The following RBMS1 variants were observed in gnomAD, a reference collection of about 807,000 sequenced individuals.
RBMS1 encodes the protein RNA binding motif single stranded interacting protein 1.
A neutral mutation model predicts 62.3 loss-of-function variants in RBMS1; 17 were observed. The observed-to-expected ratio is 0.27, with a 90% CI of 0.19 to 0.41. RBMS1 has a LOEUF of 0.41. Ranked by LOEUF, RBMS1 falls within the 10% of genes least tolerant of loss-of-function variation. The pLI is 1.00. For missense variants in RBMS1, 334 were observed against 504.5 expected, an observed-to-expected ratio of 0.66 and a Z score of 3.24; for synonymous variants, 172 against 170.0, an observed-to-expected ratio of 1.01 and a Z score of -0.09.
intron 2 of RBMS1, among the ~76,000 whole-genome samples, chr2:160,350,350 A>T (rs1053784955): frequency 4.6e-5 from 7 of 152,104 alleles, no homozygotes; most frequent in Non-Finnish European, 8.8e-5. Context: ...TGCCCTGGAC[A>T]TTTGTCAGTG....
rs552700730 is a variant in RBMS1 at position 160,489,919 on chromosome 2, T to C, written c.75+3370A>G. On this transcript the variant is annotated intron_variant, in intron 1 of 13. Coordinates refer to ENST00000348849, the MANE Select transcript of RBMS1 (RefSeq NM_016836.4). ...GGAAAGAAAATTTTGTACTTCCCTTTCTTCAAAAGAAACAGAATATTTCAA... is the reference window on the plus strand; with the variant it reads ...GGAAAGAAAATTTTGTACTTCCCTTCCTTCAAAAGAAACAGAATATTTCAA... Among the ~76,000 whole-genome samples the C allele has an allele frequency of 2.6e-5, 4 of 152,222 alleles. No individual in the cohort carries two copies. In the South Asian group the frequency reaches 6.2e-4, roughly 24 times the overall value.
At chr2:160,367,641 ATTAAT>A in intron 1 of RBMS1, 1 of 450,510 alleles carries the variant, frequency 2.2e-6, no homozygotes. Flanking sequence ...TTTATGTAAC[ATTAAT>A]TTATTCACAC....
intron 1 of RBMS1, among the ~76,000 whole-genome samples, chr2:160,396,406 C>T (rs1297648092): frequency 6.6e-6 from 1 of 152,022 alleles, no homozygotes; most frequent in Non-Finnish European, 1.5e-5. Flanking sequence ...CCAGACAGAC[C>T]CATATGTACT....
At chr2:160,286,786 A>G (rs1466341004) in intron 7 of RBMS1, among the ~76,000 whole-genome samples, 183 bp downstream of exon 7, 2 of 152,210 alleles carry the variant, frequency 1.3e-5, no homozygotes, top group East Asian at 3.8e-4. Context: ...ATCACCATAT[A>G]TAATGAAAAG....
At chr2:160,409,663 C>T (rs1208646715) in intron 1 of RBMS1, among the ~76,000 whole-genome samples, 2 of 152,164 alleles carry the variant, frequency 1.3e-5, no homozygotes, top group Non-Finnish European at 2.9e-5. Context: ...AAAAAATTCC[C>T]TGTACAACCT....
At chr2:160,383,684 C>T (rs181204294) in intron 1 of RBMS1, among the ~76,000 whole-genome samples, 2 of 152,224 alleles carry the variant, frequency 1.3e-5, no homozygotes, top group Admixed American at 6.5e-5. Context: ...TGAAACTATA[C>T]ATTATTGTTA....
rs112202164 is a variant in RBMS1 at position 160,371,345 on chromosome 2, A to G, written c.76-3954T>C. 5.0e-3 allele frequency among the ~76,000 whole-genome samples: 769 copies of G among 152,278 alleles called. 5 individuals carry two copies. The highest frequency in any genetic ancestry group is 0.017 in the South Asian group (81 of 4,814). ...CCCGGAAGCTGCCTTGGAACGTGAA[A>G]AGACCCTCTATGGATGAAGCTTGCA... On this transcript the variant is annotated intron_variant, in intron 1 of 13. Transcript: ENST00000348849.
chr2:160,477,843 G>A (rs538646258), intron 1 of RBMS1, among the ~76,000 whole-genome samples: 1 of 152,266 alleles, frequency 6.6e-6, no homozygotes, highest in South Asian at 2.1e-4. Context: ...CTTTTAAGGT[G>A]TTCATCATGC....
At chr2:160,450,148 C>CTGTAT (rs1683903067) in intron 1 of RBMS1, among the ~76,000 whole-genome samples, 1 of 152,190 alleles carries the variant, frequency 6.6e-6, no homozygotes, top group African/African-American at 2.4e-5. Context: ...GTATACCAGG[C>CTGTAT]ACAGAGGAAA....
intron 2 of RBMS1, among the ~76,000 whole-genome samples, chr2:160,319,254 G>A (rs1161864551): frequency 6.6e-6 from 1 of 152,194 alleles, no homozygotes; most frequent in African/African-American, 2.4e-5. Flanking sequence ...GCTCACACCT[G>A]TAATCCCAGC....
At position 160,311,228 on chromosome 2, in the gene RBMS1, C is replaced by CTATATATA. The variant is rs1252861710; in HGVS notation, c.402+1927_402+1928insTATATATA. ...AAAAAAAATCTATCTATCTATCTATCTATCTATATATATATATATATATAT... is the reference window on the plus strand; with the variant it reads ...AAAAAAAATCTATCTATCTATCTATCTATATATATATCTATATATATATATATATATAT... On this transcript the variant is annotated intron_variant, in intron 4 of 13. Coordinates refer to ENST00000348849, the MANE Select transcript of RBMS1 (RefSeq NM_016836.4). 3.9e-3 allele frequency among the ~76,000 whole-genome samples: 377 copies of CTATATATA among 95,836 alleles called. 3 individuals are homozygous for CTATATATA. The highest frequency in any genetic ancestry group is 5.4e-3 in the Non-Finnish European group (257 of 47,580). The allele number at this position is 95,836 out of a possible 152,430, so 62.9% of individuals were successfully genotyped here.
rs367793271 is a variant in RBMS1 at position 160,379,042 on chromosome 2, A to G, written c.76-11651T>C. 8.3e-4 allele frequency among the ~76,000 whole-genome samples: 127 copies of G among 152,276 alleles called. 3 individuals are homozygous for G. In the South Asian group the frequency reaches 0.026, roughly 31 times the overall value. ...CAAAACCAGCATGGGCAACATGGCAAAACCCTATCTCTACAAAAACACAAA... is the reference window on the plus strand; with the variant it reads ...CAAAACCAGCATGGGCAACATGGCAGAACCCTATCTCTACAAAAACACAAA... On this transcript the variant is annotated intron_variant, in intron 1 of 13. Transcript: ENST00000348849.
chr2:160,475,874 TGAGAAGGG>T (rs1559598593), intron 1 of RBMS1, among the ~76,000 whole-genome samples: 15 of 142,058 alleles, frequency 1.1e-4, no homozygotes, highest in Non-Finnish European at 1.5e-4. Flanking sequence ...TTTTTTTTTT[TGAGAAGGG>T]TTCTCACTCC....
intron 6 of RBMS1, among the ~76,000 whole-genome samples, chr2:160,289,293 C>A (rs912948302): frequency 2.0e-5 from 3 of 152,150 alleles, no homozygotes; most frequent in African/African-American, 7.2e-5. Context: ...TGTCATTAAG[C>A]TATTTTTTCC....
intron 2 of RBMS1, among the ~76,000 whole-genome samples, chr2:160,328,664 C>T (rs1257964870): frequency 6.6e-6 from 1 of 152,074 alleles, no homozygotes; most frequent in East Asian, 1.9e-4. Flanking sequence ...CCTCCCCCCG[C>T]CCCCAACACC....
chr2:160,451,906 GGC>G lies in RBMS1; in HGVS notation c.75+41381_75+41382del, dbSNP rs549410129. Among the ~76,000 whole-genome samples, 3 of 152,178 alleles carry G rather than the reference GGC, an allele frequency of 2.0e-5. No homozygotes were observed. In the East Asian group the frequency reaches 5.8e-4, roughly 29 times the overall value. ...ATTACAGGCATGAGGCACCGCGCCTGGCCAATGCAGCAGTATCTTAAAAAATC... is the reference window on the plus strand; with the variant it reads ...ATTACAGGCATGAGGCACCGCGCCTGCAATGCAGCAGTATCTTAAAAAATC... On this transcript the variant is annotated intron_variant, in intron 1 of 13. Coordinates refer to ENST00000348849, the MANE Select transcript of RBMS1 (RefSeq NM_016836.4).
chr2:160,347,656 T>C (rs567741477), intron 2 of RBMS1, among the ~76,000 whole-genome samples: 2 of 152,268 alleles, frequency 1.3e-5, no homozygotes, highest in South Asian at 2.1e-4. Flanking sequence ...CCTGAAGGTC[T>C]GTCTACCAAT....
At chr2:160,289,605 G>T (rs949573827) in intron 6 of RBMS1, among the ~76,000 whole-genome samples, 1 of 152,062 alleles carries the variant, frequency 6.6e-6, no homozygotes, top group South Asian at 2.1e-4. Context: ...GATAAAACAG[G>T]GTCCTTGCCT....
chr2:160,449,527 C>G (rs1037758300), intron 1 of RBMS1, among the ~76,000 whole-genome samples: 1 of 152,154 alleles, frequency 6.6e-6, no homozygotes, highest in Non-Finnish European at 1.5e-5. Context: ...TAACCTTACC[C>G]CCAACCCCGT....
Sources: allele counts gnomAD v4.1 joint callset (sites outside exome capture counted in the v4.1 genomes callset), GRCh38; gene constraint gnomAD v4.1.1; transcripts MANE v1.5; gene names NCBI Gene and HGNC (gene_info 2026-07-23, HGNC 2026-07-21).